Variants in CD36 observed in about 807,000 individuals in gnomAD.
CD36 encodes the protein platelet glycoprotein 4.
CD36 carries 119 observed loss-of-function variants against 55.2 expected under a neutral mutation model. The observed-to-expected ratio is 2.15, with a 90% CI of 1.86 to 2.51. The LOEUF (loss-of-function observed/expected upper bound fraction) is 2.51, where lower values mean the gene tolerates loss of function less well. Ranked by LOEUF, CD36 falls within the 30% of genes most tolerant of loss-of-function variation. The pLI, the probability that CD36 is intolerant of heterozygous loss-of-function variation, is 0.00. For synonymous variants in CD36, 186 were observed against 193.6 expected (o/e 0.96, Z 0.33); for missense variants, 819 against 555.5 (o/e 1.47, Z -4.77).
Position 80,661,043 on chromosome 7 carries a change from G to A in CD36, c.282-20G>A. On this transcript the variant is annotated intron_variant, in intron 4 of 14. Coordinates refer to ENST00000447544, the MANE Select transcript of CD36 (RefSeq NM_001001548.3). ...ACATATGACAAATGTTTTGAATTTT[G>A]TTTACTGCTATTTCTTTAGAGTTCG... 6.3e-7 allele frequency: 1 copy of A among 1,585,510 alleles called. No homozygotes were observed. The highest frequency in any genetic ancestry group is 1.1e-5 in the South Asian group (1 of 90,506).
rs3212003 is a variant in CD36, at chr7:80,655,769, T to C, written c.121-771T>C. On this transcript the variant is annotated intron_variant, in intron 3 of 14. Transcript: ENST00000447544. Reference sequence around the variant, plus strand: ...GAGTTCAAGGTCAGCCTGACCAATATGGTGAAATCCTGTTTCTACTAAAAC... The same window carrying C: ...GAGTTCAAGGTCAGCCTGACCAATACGGTGAAATCCTGTTTCTACTAAAAC... 4.5e-3 allele frequency among the ~76,000 whole-genome samples: 686 copies of C among 152,028 alleles called. 3 individuals are homozygous for C. Among genetic ancestry groups the C allele is most frequent in the Non-Finnish European group, 6.9e-3 (471 of 67,980 alleles).
At chr7:80,614,573 G>C (rs1019631682) in intron 1 of CD36, among the ~76,000 whole-genome samples, 1 of 151,688 alleles carries the variant, frequency 6.6e-6, no homozygotes, top group African/African-American at 2.4e-5. Flanking sequence ...TTTTTGCAGG[G>C]GTGCCCTCTG....
At chr7:80,632,936 TA>T (rs1794169122) in intron 1 of CD36, among the ~76,000 whole-genome samples, 2 of 152,096 alleles carry the variant, frequency 1.3e-5, no homozygotes, top group South Asian at 4.1e-4. Context: ...CATTAATTGC[TA>T]TTTTTTTCTC....
chr7:80,670,067 G>A (rs1322453845), intron 9 of CD36, 45 bp downstream of exon 9: 1 of 1,208,940 alleles, frequency 8.3e-7, no homozygotes, highest in East Asian at 2.3e-5. Flanking sequence ...TCAGACCCCA[G>A]GTGACAAAAT....
Position 80,671,142 on chromosome 7 carries a change from AGACAT to A in CD36, c.985_989del (p.Asp329GlnfsTer22). On this transcript the variant is annotated frameshift_variant, in exon 10 of 15. Transcript: ENST00000447544. LOFTEE classifies it high-confidence loss of function. ...AAAATTGTACATCATATGGTGTGCT[AGACAT>A]CAGCAAATGCAAAGAAGGTGAGTAA... 6.2e-7 allele frequency: 1 copy of A among 1,611,528 alleles called. No individual in the cohort carries two copies. The highest frequency in any genetic ancestry group is 8.5e-7 in the Non-Finnish European group (1 of 1,178,274).
chr7:80,627,767 A>G (rs913247655), intron 1 of CD36, among the ~76,000 whole-genome samples: 1 of 152,170 alleles, frequency 6.6e-6, no homozygotes, highest in South Asian at 2.1e-4. Flanking sequence ...ACAAAACTTT[A>G]TTTTAATCAA....
chr7:80,654,880 GAAA>G lies in CD36; in HGVS notation c.121-1646_121-1644del, dbSNP rs67640111. 2.2e-3 allele frequency among the ~76,000 whole-genome samples: 321 copies of G among 142,968 alleles called. 1 individual carries two copies. The highest frequency in any genetic ancestry group is 4.0e-3 in the South Asian group (18 of 4,456). 93.8% of individuals were successfully genotyped at this position (142,968 alleles called of 152,430 possible). On this transcript the variant is annotated intron_variant, in intron 3 of 14. Transcript: ENST00000447544. ...TACCAACTAAGTGCAGAGGGTGACG[GAAA>G]AAAAAAAAAAAAAGACAGTCATAGC...
At chr7:80,633,448 T>C (rs1794203712) in intron 1 of CD36, 1 of 152,196 alleles carries the variant, frequency 6.6e-6, no homozygotes, top group Admixed American at 6.6e-5. Flanking sequence ...AAGTCTAAAC[T>C]AAGTTACTCT....
chr7:80,611,547 C>T (rs1392346135), intron 1 of CD36, among the ~76,000 whole-genome samples: 1 of 152,136 alleles, frequency 6.6e-6, no homozygotes, highest in African/African-American at 2.4e-5. Context: ...CAAAGACCAA[C>T]AGGAACACAC....
intron 10 of CD36, 89 bp downstream of exon 10, chr7:80,671,253 A>G: frequency 1.3e-6 from 1 of 793,320 alleles, no homozygotes; most frequent in Middle Eastern, 2.7e-4. Context: ...TTAGCAACCA[A>G]AATTTAAAAT....
chr7:80,629,898 CTTTT>C (rs56195239), intron 1 of CD36, among the ~76,000 whole-genome samples: 6 of 146,414 alleles, frequency 4.1e-5, no homozygotes, highest in East Asian at 4.0e-4. Flanking sequence ...CAATAGTAGC[CTTTT>C]TTTTTTTTTG....
chr7:80,608,784 G>A (rs982759210), intron 1 of CD36, among the ~76,000 whole-genome samples: 6 of 152,174 alleles, frequency 3.9e-5, no homozygotes, highest in Non-Finnish European at 5.9e-5. Context: ...TTACTCAAGC[G>A]TAAAACCTGA....
chr7:80,650,258 T>A (rs1239698877), intron 3 of CD36, among the ~76,000 whole-genome samples: 5 of 152,150 alleles, frequency 3.3e-5, no homozygotes, highest in African/African-American at 1.2e-4. Context: ...ATGGTACATT[T>A]AAGGCTAAGC....
intron 14 of CD36, among the ~76,000 whole-genome samples, chr7:80,675,688 A>C (rs959443600): frequency 1.8e-4 from 27 of 152,174 alleles, no homozygotes; most frequent in Non-Finnish European, 7.3e-5. Context: ...TCTTAAGCAA[A>C]ATTCAGCTCT....
At chr7:80,611,032 T>A (rs1484864033) in intron 1 of CD36, among the ~76,000 whole-genome samples, 3 of 152,058 alleles carry the variant, frequency 2.0e-5, no homozygotes, top group African/African-American at 7.2e-5. Context: ...CACACCACCA[T>A]GCCCAGCTAA....
In CD36 at chr7:80,673,363, A is replaced by G. The variant is rs1362126500; in HGVS notation, c.1208A>G (p.Lys403Arg). 6 of 1,479,944 alleles carry G rather than the reference A, an allele frequency of 4.1e-6. No individual in the cohort carries two copies. Among genetic ancestry groups the G allele is most frequent in the South Asian group, 1.1e-5 (1 of 87,834 alleles). 91.7% of individuals were successfully genotyped at this position (1,479,944 alleles called of 1,614,324 possible). Residue 403 changes from lysine (K) to arginine (R), a missense_variant, in exon 13 of 15, where the codon AAG (lysine) becomes AGG (arginine). Physicochemically the swap from Lys to Arg is conservative, Grantham distance 26. Coordinates refer to ENST00000447544, the MANE Select transcript of CD36 (RefSeq NM_001001548.3). ...VKPSEKIQVL[K>R]NLKRNYIVPI... ...TTCAACGTATATTACAGAGTATTAA[A>G]GAATCTGAAGAGGAACTATATTGTG...
intron 1 of CD36, among the ~76,000 whole-genome samples, chr7:80,640,619 G>T (rs1356729402): frequency 6.6e-6 from 1 of 151,862 alleles, no homozygotes; most frequent in Non-Finnish European, 1.5e-5. Flanking sequence ...AGAATTTGGG[G>T]TGTGGAAAAA....
intron 14 of CD36, among the ~76,000 whole-genome samples, chr7:80,675,629 A>G (rs961398222): frequency 6.6e-6 from 1 of 152,130 alleles, no homozygotes; most frequent in Non-Finnish European, 1.5e-5. Context: ...TAAACTGTTG[A>G]TTACTTGATT....
intron 1 of CD36, among the ~76,000 whole-genome samples, chr7:80,603,869 G>A (rs903872814): frequency 3.3e-5 from 5 of 151,978 alleles, no homozygotes; most frequent in East Asian, 1.9e-4. Context: ...AAATGTTTCA[G>A]AGCAAAGAAA....
Sources: allele counts gnomAD v4.1 joint callset (sites outside exome capture counted in the v4.1 genomes callset), GRCh38; gene constraint gnomAD v4.1.1; transcripts MANE v1.5; gene names NCBI Gene and HGNC (gene_info 2026-07-23, HGNC 2026-07-21).